MRNIP: variants seen among roughly 807,000 people sequenced by gnomAD.
MRNIP encodes the protein MRN complex-interacting protein.
In MRNIP, 30 loss-of-function variants were observed where a neutral mutation model predicts 29.8. The observed-to-expected ratio is 1.01, with a 90% confidence interval of 0.75 to 1.36. MRNIP has a LOEUF of 1.36. MRNIP is among the 40% of genes most tolerant of loss of function. The pLI, the probability that MRNIP is intolerant of heterozygous loss-of-function variation, is 0.00. For synonymous variants in MRNIP, 201 were observed against 164.1 expected (o/e 1.23, Z -1.72); for missense variants, 459 against 423.5 (o/e 1.08, Z -0.74).
At chr5:179,843,468 A>C (rs1758998165) in intron 4 of MRNIP, among the ~76,000 whole-genome samples, 1 of 152,172 alleles carries the variant, frequency 6.6e-6, no homozygotes, top group African/African-American at 2.4e-5. Context: ...GGCCAGGTGC[A>C]GTGGTTCATG....
chr5:179,844,573 C>T (rs1759050745), intron 3 of MRNIP, among the ~76,000 whole-genome samples: 1 of 152,092 alleles, frequency 6.6e-6, no homozygotes, highest in African/African-American at 2.4e-5. Context: ...CAGGCACGCA[C>T]CACTACGCCT....
At chr5:179,852,736 C>A (rs1290803152) in intron 2 of MRNIP, among the ~76,000 whole-genome samples, 1 of 152,166 alleles carries the variant, frequency 6.6e-6, no homozygotes, top group African/African-American at 2.4e-5. Flanking sequence ...AGAGGTGGCA[C>A]TGGGGCTGGA....
At position 179,837,660 on chromosome 5, in the gene MRNIP, T is replaced by C. The variant is rs1758658164; in HGVS notation, c.763A>G (p.Arg255Gly). ...EQPRSLQRDP[R>G]PAGPAQAKQG... ...TTAGCCTGTGCTGGACCAGCTGGCCTGGGGTCCCTCTGAAGAGACCTTGGC... is the reference window on the plus strand; with the variant it reads ...TTAGCCTGTGCTGGACCAGCTGGCCCGGGGTCCCTCTGAAGAGACCTTGGC... The change falls in exon 7 of 7, where the codon AGG becomes GGG. Residue 255 changes from arginine (R) to glycine (G), a missense_variant. Physicochemically the swap from Arg to Gly is moderately radical, Grantham distance 125 (BLOSUM62 -2). Transcript: ENST00000292586. The C allele has an allele frequency of 5.0e-6, 8 of 1,614,208 alleles. No individual in the cohort carries two copies. The East Asian group carries it at 1.8e-4, about 36-fold the overall frequency.
intron 1 of MRNIP, among the ~76,000 whole-genome samples, chr5:179,855,570 A>C (rs1057288011): frequency 6.6e-6 from 1 of 152,264 alleles, no homozygotes; most frequent in African/African-American, 2.4e-5. Context: ...GCAGACATCT[A>C]ATTAGAACAC....
intron 6 of MRNIP, chr5:179,840,592 A>G: frequency 5.3e-6 from 3 of 568,218 alleles, no homozygotes; most frequent in Admixed American, 3.2e-5. Context: ...GCCCTGACCC[A>G]TCGTCAGGTT....
chr5:179,845,538 C>G (rs1759092312), intron 3 of MRNIP, among the ~76,000 whole-genome samples: 1 of 151,542 alleles, frequency 6.6e-6, no homozygotes, highest in East Asian at 2.0e-4. Flanking sequence ...TGGTGCAGGC[C>G]TCACTTGAGC....
intron 4 of MRNIP, among the ~76,000 whole-genome samples, chr5:179,842,465 G>A (rs1452116416): frequency 1.3e-5 from 2 of 150,912 alleles, no homozygotes; most frequent in South Asian, 2.1e-4. Context: ...CGGATCACAA[G>A]GTCAGGAGAT....
chr5:179,858,011 CAA>C (rs762726244), intron 1 of MRNIP, among the ~76,000 whole-genome samples: 14 of 77,260 alleles, frequency 1.8e-4, no homozygotes, highest in Non-Finnish European at 2.0e-4. Context: ...AACTCCGTCT[CAA>C]AAAAAAAAAA....
rs1397524120 is a variant in MRNIP at position 179,849,167 on chromosome 5, C to T, written c.127-1101G>A. Among the ~76,000 whole-genome samples the T allele has an allele frequency of 8.5e-5, 9 of 105,382 alleles. No homozygotes were observed. The South Asian group carries it at 1.3e-3, about 16-fold the overall frequency. The allele number at this position is 105,382 out of a possible 152,430, so 69.1% of individuals were successfully genotyped here. On this transcript the variant is annotated intron_variant, in intron 2 of 6. Transcript: ENST00000292586. ...TGGTACAAGACGGAATTTGAGAGTA[C>T]GGGTCCTGCTATGGCACAGGCAGAT... is the stretch of plus-strand genomic sequence containing the variant.
rs972021271 is a variant in MRNIP, at chr5:179,841,105, C to A, written c.450-146G>T. The A allele has an allele frequency of 8.3e-6, 5 of 603,328 alleles. No homozygotes were observed. The Admixed American group carries it at 1.5e-4, about 18-fold the overall frequency. 37.4% of individuals were successfully genotyped at this position (603,328 alleles called of 1,614,324 possible). The stretch of plus-strand genomic sequence containing the variant: ...GCAGCTGCTCAGGGTGTCCAGCCAC[C>A]GCCCAGGCCCCACTCCCCTGCTTCA... On this transcript the variant is annotated intron_variant, in intron 5 of 6. Coordinates refer to ENST00000292586, the MANE Select transcript of MRNIP (RefSeq NM_016175.4).
At position 179,837,333 on chromosome 5, in the gene MRNIP, A is replaced by AGG; in HGVS notation, c.*56_*57dup. 1.3e-6 allele frequency: 2 copies of AGG among 1,587,530 alleles called. No homozygotes were observed. The highest frequency in any genetic ancestry group is 1.7e-6 in the Non-Finnish European group (2 of 1,166,854). On this transcript the variant is annotated 3_prime_UTR_variant, in exon 7 of 7. Coordinates refer to ENST00000292586, the MANE Select transcript of MRNIP (RefSeq NM_016175.4). ...TACAGAGTATCTTTAAAAGTGCCTT[A>AGG]GGGGAACCCTGTCCCTCCTAACAAG...
intron 2 of MRNIP, among the ~76,000 whole-genome samples, chr5:179,852,120 A>C (rs898090288): frequency 6.6e-6 from 1 of 152,002 alleles, no homozygotes; most frequent in Non-Finnish European, 1.5e-5. Context: ...GTCTCTATTA[A>C]ACATACAAAA....
At chr5:179,857,497 G>A (rs1440316740) in intron 1 of MRNIP, among the ~76,000 whole-genome samples, 2 of 151,958 alleles carry the variant, frequency 1.3e-5, no homozygotes, top group African/African-American at 4.8e-5. Flanking sequence ...AAAATAAACG[G>A]AAAATTTGTT....
At chr5:179,855,969 C>A (rs2434413) in intron 1 of MRNIP, among the ~76,000 whole-genome samples, 1 of 138,680 alleles carries the variant, frequency 7.2e-6, no homozygotes, top group Non-Finnish European at 1.5e-5. Context: ...AGCACTGTGG[C>A]GTGATCTCGG....
At chr5:179,849,531 G>A (rs1423938970) in intron 2 of MRNIP, among the ~76,000 whole-genome samples, 3 of 147,084 alleles carry the variant, frequency 2.0e-5, no homozygotes, top group Non-Finnish European at 4.5e-5. Context: ...TCCTGCTATG[G>A]CACAGGCAGA....
intron 6 of MRNIP, chr5:179,840,388 A>C: frequency 1.2e-5 from 2 of 164,908 alleles, no homozygotes; most frequent in East Asian, 1.8e-4. Flanking sequence ...CAGCCTGGGT[A>C]GACAGAGTGA....
rs200025987 is a variant in MRNIP, at chr5:179,844,868, T to G, written c.216-641A>C. On this transcript the variant is annotated intron_variant, in intron 3 of 6. Transcript: ENST00000292586. Reference sequence around the variant, plus strand: ...GCTTTTTTGTAGATTCATTAGGATTTTCTACATACACAATCATGCTATTTG... The same window carrying G: ...GCTTTTTTGTAGATTCATTAGGATTGTCTACATACACAATCATGCTATTTG... Among the ~76,000 whole-genome samples, 7 of 152,360 alleles carry G rather than the reference T, an allele frequency of 4.6e-5. No homozygotes were observed. The East Asian group carries it at 9.6e-4, about 21-fold the overall frequency.
intron 3 of MRNIP, 26 bp from the exon 4 acceptor site, chr5:179,844,253 CT>C: frequency 6.2e-7 from 1 of 1,600,162 alleles, no homozygotes. Flanking sequence ...TACATATGCC[CT>C]TTGAAAAATG....
At chr5:179,845,058 A>G (rs1464976942) in intron 3 of MRNIP, among the ~76,000 whole-genome samples, 1 of 152,028 alleles carries the variant, frequency 6.6e-6, no homozygotes, top group African/African-American at 2.4e-5. Flanking sequence ...TGTAACCTCC[A>G]CGTCTCTCAA....
Sources: gnomAD v4.1 joint callset for allele counts (sites outside exome capture counted in the v4.1 genomes callset) on GRCh38, gnomAD v4.1.1 for gene constraint, MANE v1.5 for transcripts, NCBI Gene and HGNC (gene_info 2026-07-23, HGNC 2026-07-21) for gene names.